Variants in SSUH2 observed in about 807,000 individuals in gnomAD.
SSUH2 encodes protein SSUH2 homolog.
Under a neutral mutation model 55.3 loss-of-function variants are expected in SSUH2, and 47 were observed. That is an observed-to-expected ratio of 0.85 (90% CI 0.67 to 1.08). The LOEUF is 1.08. Ranked by LOEUF, SSUH2 falls within the 50% of genes least tolerant of loss-of-function variation. The pLI, the probability that SSUH2 is intolerant of heterozygous loss-of-function variation, is 0.00. For missense variants in SSUH2, 535 were observed against 490.7 expected (o/e 1.09, Z -0.85); for synonymous variants, 212 against 191.5 (o/e 1.11, Z -0.89).
At chr3:8,633,598 C>G in intron 4 of SSUH2, 68 bp downstream of exon 4, 2 of 1,337,752 alleles carry the variant, frequency 1.5e-6, no homozygotes, top group East Asian at 2.5e-5. Flanking sequence ...AAACAGGCCT[C>G]CACTGTCCCA....
At chr3:8,652,020 C>A (rs762325757) in intron 7 of SSUH2, 2 of 152,410 alleles carry the variant, frequency 1.3e-5, no homozygotes. Flanking sequence ...GACTCCCCTC[C>A]GCACCTGCTT....
At chr3:8,676,295 A>G (rs115976746) in intron 3 of SSUH2, among the ~76,000 whole-genome samples, 1 of 151,998 alleles carries the variant, frequency 6.6e-6, no homozygotes, top group Non-Finnish European at 1.5e-5. Flanking sequence ...ACAGTATCAC[A>G]AGGGTGTTTC....
chr3:8,636,889 G>C (rs1274367771), intron 1 of SSUH2, among the ~76,000 whole-genome samples: 1 of 152,152 alleles, frequency 6.6e-6, no homozygotes, highest in Non-Finnish European at 1.5e-5. Context: ...GTTGTGACTT[G>C]CCCAAGATCA....
chr3:8,681,131 TC>T (rs113039870), intron 1 of SSUH2, among the ~76,000 whole-genome samples: 13,787 of 104,158 alleles, frequency 0.13, 1,059 homozygotes, highest in African/African-American at 0.18. Flanking sequence ...CAGCCCCTCT[TC>T]CCCCCCTGCC....
At chr3:8,671,802 C>T (rs6803899) in intron 4 of SSUH2, 2 of 151,156 alleles carry the variant, frequency 1.3e-5, no homozygotes, top group African/African-American at 2.4e-5. Flanking sequence ...TAATATCACC[C>T]CCCCTCTCCC....
chr3:8,622,107 C>T (rs62242355), intron 11 of SSUH2, among the ~76,000 whole-genome samples: 18,282 of 152,140 alleles, frequency 0.12, 1,367 homozygotes, highest in Non-Finnish European at 0.15. Context: ...GAGTCATGGC[C>T]ATGGCTGGGA....
chr3:8,678,461 C>A (rs898395152), intron 2 of SSUH2, among the ~76,000 whole-genome samples: 27 of 151,562 alleles, frequency 1.8e-4, no homozygotes, highest in Non-Finnish European at 3.7e-4. Flanking sequence ...CCTCTATCCC[C>A]CCCTGGCTCT....
intron 7 of SSUH2, among the ~76,000 whole-genome samples, chr3:8,628,925 C>T (rs355053): frequency 6.6e-6 from 1 of 152,078 alleles, no homozygotes; most frequent in Non-Finnish European, 1.5e-5. Context: ...GCACGTTCTC[C>T]GCTCACTGCA....
chr3:8,631,752 A>G (rs1698828435), intron 5 of SSUH2, among the ~76,000 whole-genome samples: 1 of 151,988 alleles, frequency 6.6e-6, no homozygotes, highest in South Asian at 2.1e-4. Context: ...GAATGCTTAG[A>G]CACGCATGCT....
chr3:8,653,970 C>T (rs1418152751), intron 7 of SSUH2, among the ~76,000 whole-genome samples: 2 of 152,224 alleles, frequency 1.3e-5, no homozygotes, highest in African/African-American at 2.4e-5. Flanking sequence ...GAACTTGATA[C>T]ATTTGGACTC....
intron 4 of SSUH2, among the ~76,000 whole-genome samples, chr3:8,671,740 G>A (rs1245248186): frequency 6.6e-6 from 1 of 152,030 alleles, no homozygotes; most frequent in African/African-American, 2.4e-5. Flanking sequence ...AATGTCCCAG[G>A]GTGTGAAACA....
At chr3:8,644,240 G>A (rs1353964671) in intron 1 of SSUH2, among the ~76,000 whole-genome samples, 2 of 152,104 alleles carry the variant, frequency 1.3e-5, no homozygotes, top group Non-Finnish European at 2.9e-5. Flanking sequence ...GCCTTTTCCC[G>A]ACCTTTCTGT....
intron 3 of SSUH2, among the ~76,000 whole-genome samples, chr3:8,674,303 G>C (rs1704974490): frequency 1.3e-5 from 2 of 152,202 alleles, no homozygotes; most frequent in Non-Finnish European, 2.9e-5. Flanking sequence ...AAATAGGACA[G>C]TGGAAGAACA....
chr3:8,676,018 C>T (rs1259667001), intron 3 of SSUH2, among the ~76,000 whole-genome samples: 4 of 152,110 alleles, frequency 2.6e-5, no homozygotes, highest in African/African-American at 9.7e-5. Flanking sequence ...CCTGCTAGTA[C>T]GAGAAGCAAA....
chr3:8,641,896 A>T (rs1202587129), intron 1 of SSUH2, among the ~76,000 whole-genome samples: 1 of 152,106 alleles, frequency 6.6e-6, no homozygotes, highest in Non-Finnish European at 1.5e-5. Context: ...CTGGGAGCAG[A>T]GCTGGCCTGG....
intron 4 of SSUH2, among the ~76,000 whole-genome samples, chr3:8,633,032 A>G (rs1399856045): frequency 6.6e-6 from 1 of 152,076 alleles, no homozygotes; most frequent in African/African-American, 2.4e-5. Flanking sequence ...TAAACCAGTG[A>G]CAGTGATGCT....
intron 7 of SSUH2, among the ~76,000 whole-genome samples, chr3:8,650,705 T>C (rs1379739340): frequency 7.2e-5 from 11 of 152,216 alleles, no homozygotes; most frequent in Non-Finnish European, 8.8e-5. Flanking sequence ...TAATGAAGGA[T>C]GCTTCCCTGG....
At chr3:8,647,290 G>A (rs1168230155), upstream of SSUH2, among the ~76,000 whole-genome samples, 2 of 152,264 alleles carry the variant, frequency 1.3e-5, no homozygotes, top group Admixed American at 6.5e-5. Context: ...CATGCGGAGA[G>A]CTGGTCCGGA....
chr3:8,650,541 C>T (rs1702275612), intron 7 of SSUH2, among the ~76,000 whole-genome samples: 1 of 152,184 alleles, frequency 6.6e-6, no homozygotes, highest in African/African-American at 2.4e-5. Flanking sequence ...TGTGGGGAAA[C>T]TGATAGAAGA....
Sources: gnomAD v4.1 joint callset for allele counts (sites outside exome capture counted in the v4.1 genomes callset) on GRCh38, gnomAD v4.1.1 for gene constraint, MANE v1.5 for transcripts, NCBI Gene and HGNC (gene_info 2026-07-23, HGNC 2026-07-21) for gene names.